Variants in SLC3A1 observed in about 807,000 individuals in gnomAD.
SLC3A1 encodes amino acid transporter heavy chain SLC3A1.
A neutral mutation model predicts 60.3 loss-of-function variants in SLC3A1; 78 were observed. The observed-to-expected ratio is 1.29, with a 90% CI of 1.08 to 1.56. The LOEUF (loss-of-function observed/expected upper bound fraction) is 1.56, where lower values mean the gene tolerates loss of function less well. Among genes scored for constraint, SLC3A1 ranks in the 40% most tolerant of loss-of-function variants. SLC3A1 has a pLI of 0.00. For synonymous variants in SLC3A1, 392 were observed against 307.9 expected (o/e 1.27, Z -2.86); for missense variants, 1,172 against 858.9 (o/e 1.36, Z -4.56).
At chr2:44,283,507 A>G (rs1379516192) in intron 3 of SLC3A1, among the ~76,000 whole-genome samples, 1 of 152,216 alleles carries the variant, frequency 6.6e-6, no homozygotes, top group Non-Finnish European at 1.5e-5. Context: ...AGATAGGCAG[A>G]CTGAGGTTAC....
chr2:44,312,380 C>T (rs998980372), intron 7 of SLC3A1, among the ~76,000 whole-genome samples: 6 of 152,154 alleles, frequency 3.9e-5, no homozygotes, highest in Non-Finnish European at 7.4e-5. Flanking sequence ...AAATTCTTAT[C>T]ACCCTTTTCT....
In SLC3A1 at chr2:44,321,265, CAA is replaced by C. The variant is rs1420743919; in HGVS notation, c.*627_*628del. On this transcript the variant is annotated 3_prime_UTR_variant, in exon 10 of 10. Coordinates refer to ENST00000260649, the MANE Select transcript of SLC3A1 (RefSeq NM_000341.4). ...TAAAAAATTAATAACTTAAAAGTCTCAAGTTATTAATTTTTTTTTTGCTAACT... is the reference window on the plus strand; with the variant it reads ...TAAAAAATTAATAACTTAAAAGTCTCGTTATTAATTTTTTTTTTGCTAACT... 5.4e-6 allele frequency: 6 copies of C among 1,109,162 alleles called. No individual in the cohort carries two copies. Among genetic ancestry groups the C allele is most frequent in the Non-Finnish European group, 7.8e-6 (6 of 768,942 alleles). 68.7% of individuals were successfully genotyped at this position (1,109,162 alleles called of 1,614,324 possible).
Position 44,304,338 on chromosome 2 carries a change from G to T in SLC3A1, c.1332G>T (p.Met444Ile), listed in dbSNP as rs1198524312. 4 of 1,611,804 alleles carry T rather than the reference G, an allele frequency of 2.5e-6. No homozygotes were observed. The East Asian group carries it at 8.9e-5, about 36-fold the overall frequency. The stretch of plus-strand genomic sequence containing the variant: ...CAGAAGGAAAATGGCCTAACTGGAT[G>T]GTAAGTCCTCATGACAGCAGAGTAC... ...NMPEGKWPNWMIGGPDSSRLT... is the reference protein window; with the variant it reads ...NMPEGKWPNWIIGGPDSSRLT... Residue 444 changes from methionine to isoleucine, a missense_variant and splice_region_variant, in exon 7 of 10, where the codon ATG (methionine) becomes ATT (isoleucine). Transcript: ENST00000260649.
Position 44,287,334 on chromosome 2 carries a change from C to T in SLC3A1, c.891+1177C>T, listed in dbSNP as rs964881962. 3.9e-5 allele frequency among the ~76,000 whole-genome samples: 6 copies of T among 152,092 alleles called. No individual in the cohort carries two copies. In the South Asian group the frequency reaches 1.2e-3, roughly 32 times the overall value. On this transcript the variant is annotated intron_variant, in intron 4 of 9. Transcript: ENST00000260649. ...ACAAAAACCTGAAGTGAGAAAGGAA[C>T]CATGTGACTATCTGGGGGAAGAGAA...
At chr2:44,302,508 G>A (rs1213006677) in intron 6 of SLC3A1, among the ~76,000 whole-genome samples, 2 of 152,188 alleles carry the variant, frequency 1.3e-5, no homozygotes, top group East Asian at 1.9e-4. Context: ...GAGCATGTAA[G>A]TAATGTCCAC....
At position 44,280,639 on chromosome 2, in the gene SLC3A1, A is replaced by G. The variant is rs1269886093; in HGVS notation, c.431-77A>G. 1.7e-5 allele frequency: 17 copies of G among 981,034 alleles called. 1 individual carries two copies. The highest frequency in any genetic ancestry group is 3.1e-4 in the Middle Eastern group (1 of 3,222). 60.8% of individuals were successfully genotyped at this position (981,034 alleles called of 1,614,324 possible). ...GCCTTCATGTAAATATTTCTATCTTAGGCATATTTGTTATATTTTTTGTCC... is the reference window on the plus strand; with the variant it reads ...GCCTTCATGTAAATATTTCTATCTTGGGCATATTTGTTATATTTTTTGTCC... On this transcript the variant is annotated intron_variant, in intron 1 of 9. Coordinates refer to ENST00000260649, the MANE Select transcript of SLC3A1 (RefSeq NM_000341.4).
In SLC3A1 at chr2:44,321,321, C is replaced by T; in HGVS notation, c.*682C>T. ...TTGGAAGTAAGACTATGAAATATTT[C>T]AGTGTGTTTCCAATTCCCAGTTGAA... is the stretch of plus-strand genomic sequence containing the variant. On this transcript the variant is annotated 3_prime_UTR_variant, in exon 10 of 10. Coordinates refer to ENST00000260649, the MANE Select transcript of SLC3A1 (RefSeq NM_000341.4). The T allele has an allele frequency of 6.7e-7, 1 of 1,490,708 alleles. No individual in the cohort carries two copies. Among genetic ancestry groups the T allele is most frequent in the Non-Finnish European group, 9.3e-7 (1 of 1,073,798 alleles). 92.3% of individuals were successfully genotyped at this position (1,490,708 alleles called of 1,614,324 possible). A position where few individuals can be genotyped will look rare whatever the true frequency, so the allele number is the denominator to read the frequency against.
chr2:44,298,566 C>G (rs901881375), intron 4 of SLC3A1, among the ~76,000 whole-genome samples: 2 of 152,132 alleles, frequency 1.3e-5, no homozygotes, highest in African/African-American at 4.8e-5. Flanking sequence ...TTAGTAGAGG[C>G]GGGGTTTTAC....
chr2:44,294,758 C>T (rs1367958453), intron 4 of SLC3A1, among the ~76,000 whole-genome samples: 3 of 152,170 alleles, frequency 2.0e-5, no homozygotes, highest in Admixed American at 6.5e-5. Context: ...GATTTCTGAA[C>T]ATGAGTAGGG....
intron 7 of SLC3A1, among the ~76,000 whole-genome samples, chr2:44,309,493 T>C (rs1025848771): frequency 6.6e-6 from 1 of 150,816 alleles, no homozygotes; most frequent in African/African-American, 2.4e-5. Context: ...CTTTTGGCTG[T>C]TGGAATAATG....
In SLC3A1 at chr2:44,313,937, A is replaced by G; in HGVS notation, c.1603A>G (p.Thr535Ala). 6.2e-7 allele frequency: 1 copy of G among 1,614,104 alleles called. No homozygotes were observed. Among genetic ancestry groups the G allele is most frequent in the Non-Finnish European group, 8.5e-7 (1 of 1,179,980 alleles). Residue 535 changes from threonine to alanine, a missense_variant, in exon 9 of 10, where the codon ACT becomes GCT. Thr to Ala is a moderately conservative substitution (Grantham distance 58). Coordinates refer to ENST00000260649, the MANE Select transcript of SLC3A1 (RefSeq NM_000341.4). ...TWLPTNSDYH[T>A]VNVDVQKTQP... ...GTTACCTACCAATTCAGATTACCAC[A>G]CTGTGAATGTTGATGTAAGTATCAG...
intron 4 of SLC3A1, among the ~76,000 whole-genome samples, chr2:44,290,064 A>G (rs185414453): frequency 9.6e-5 from 14 of 146,552 alleles, no homozygotes; most frequent in African/African-American, 3.3e-4. Context: ...TACATTTTAG[A>G]TTGTCTGTGA....
At chr2:44,308,154 C>CA (rs777971359) in intron 7 of SLC3A1, among the ~76,000 whole-genome samples, 34 of 151,602 alleles carry the variant, frequency 2.2e-4, no homozygotes, top group Middle Eastern at 3.4e-3. Flanking sequence ...TAAAACAAAA[C>CA]AAAAAAAAGA....
Position 44,320,745 on chromosome 2 carries a change from G to T in SLC3A1, c.*106G>T. On this transcript the variant is annotated 3_prime_UTR_variant, in exon 10 of 10. Coordinates refer to ENST00000260649, the MANE Select transcript of SLC3A1 (RefSeq NM_000341.4). ...CTTGGTGAACAATCATTAATTCTTC[G>T]ATATTTCTGTAGCTTGAATGTAACT... is the stretch of plus-strand genomic sequence containing the variant. 1.1e-6 allele frequency: 1 copy of T among 907,166 alleles called. No individual in the cohort carries two copies. 56.2% of individuals were successfully genotyped at this position (907,166 alleles called of 1,614,324 possible).
rs181996037 is a variant in SLC3A1, at chr2:44,293,146, G to C, written c.892-6825G>C. 3.4e-3 allele frequency among the ~76,000 whole-genome samples: 514 copies of C among 152,264 alleles called. 3 individuals carry two copies. The highest frequency in any genetic ancestry group is 0.012 in the African/African-American group (501 of 41,546). ...CCATTGTCTGAGATGGGAGACACAG[G>C]AAGAGAGAGGGAAATATCTTAGGTA... On this transcript the variant is annotated intron_variant, in intron 4 of 9. Coordinates refer to ENST00000260649, the MANE Select transcript of SLC3A1 (RefSeq NM_000341.4).
intron 4 of SLC3A1, among the ~76,000 whole-genome samples, chr2:44,298,870 G>C (rs1210063875): frequency 2.0e-5 from 3 of 152,058 alleles, no homozygotes; most frequent in Non-Finnish European, 2.9e-5. Context: ...GTGAGCCAGG[G>C]GCAGTCATAC....
At chr2:44,306,705 C>G (rs957192662) in intron 7 of SLC3A1, among the ~76,000 whole-genome samples, 11 of 151,350 alleles carry the variant, frequency 7.3e-5, no homozygotes, top group East Asian at 5.9e-4. Flanking sequence ...AGGTGCCCAC[C>G]ACCACACCCA....
chr2:44,295,657 CCTT>C (rs1273529947), intron 4 of SLC3A1, among the ~76,000 whole-genome samples: 1 of 152,204 alleles, frequency 6.6e-6, no homozygotes, highest in East Asian at 1.9e-4. Context: ...GGGCCATAAA[CCTT>C]CTGTGCGGTA....
At chr2:44,302,090 GTAT>G (rs1572805724) in intron 6 of SLC3A1, among the ~76,000 whole-genome samples, 1 of 151,418 alleles carries the variant, frequency 6.6e-6, no homozygotes, top group Non-Finnish European at 1.5e-5. Flanking sequence ...CTTCTCTGCA[GTAT>G]TATTTTTATC....
Sources: allele counts gnomAD v4.1 joint callset (sites outside exome capture counted in the v4.1 genomes callset), GRCh38; gene constraint gnomAD v4.1.1; transcripts MANE v1.5; gene names NCBI Gene and HGNC (gene_info 2026-07-23, HGNC 2026-07-21).